Variants in ZC3H15 observed in about 807,000 individuals in gnomAD.
ZC3H15 encodes the protein zinc finger CCCH-type containing 15.
ZC3H15 carries 15 observed loss-of-function variants against 51.2 expected under a neutral mutation model. The ratio of observed to expected loss-of-function variants is 0.29; its 90% CI spans 0.20 to 0.45. The LOEUF is 0.45. Ranked by LOEUF, ZC3H15 falls within the 20% of genes least tolerant of loss-of-function variation. The pLI is 1.00. For synonymous variants in ZC3H15, 144 were observed against 162.8 expected, an observed-to-expected ratio of 0.88 and a Z score of 0.88; for missense variants, 381 against 494.7, an observed-to-expected ratio of 0.77 and a Z score of 2.18.
intron 1 of ZC3H15, among the ~76,000 whole-genome samples, chr2:186,491,188 G>T (rs191591648): frequency 2.0e-5 from 3 of 152,246 alleles, no homozygotes; most frequent in Admixed American, 2.0e-4. Flanking sequence ...AGGTTTCTCT[G>T]GGAAGTAGTT....
At chr2:186,495,046 T>A (rs1052110624) in intron 1 of ZC3H15, among the ~76,000 whole-genome samples, 187 bp from the exon 2 acceptor site, 2 of 152,090 alleles carry the variant, frequency 1.3e-5, no homozygotes, top group African/African-American at 2.4e-5. Flanking sequence ...TGAGTACATA[T>A]TGAATTGTAA....
intron 9 of ZC3H15, among the ~76,000 whole-genome samples, chr2:186,508,269 C>T (rs1036094878): frequency 6.6e-6 from 1 of 152,084 alleles, no homozygotes; most frequent in Non-Finnish European, 1.5e-5. Flanking sequence ...GTAGGGAACA[C>T]AGAGGTGTAG....
chr2:186,487,010 C>A (rs1458898480), intron 1 of ZC3H15: 1 of 152,490 alleles, frequency 6.6e-6, no homozygotes, highest in Non-Finnish European at 1.5e-5. Flanking sequence ...AACCCAGGGT[C>A]TTGAACGCAG....
At chr2:186,493,465 ACCAGAAAAGAC>A (rs1458562586) in intron 1 of ZC3H15, among the ~76,000 whole-genome samples, 10 of 152,246 alleles carry the variant, frequency 6.6e-5, no homozygotes, top group Middle Eastern at 3.4e-3. Flanking sequence ...TCTCCAGAGA[ACCAGAAAAGAC>A]CCAGAAAAAA....
chr2:186,508,947 A>G lies in ZC3H15; in HGVS notation c.*214A>G, dbSNP rs1475546309. 1.6e-6 allele frequency: 1 copy of G among 643,804 alleles called. No individual in the cohort carries two copies. Among genetic ancestry groups the G allele is most frequent in the East Asian group, 3.0e-5 (1 of 33,422 alleles). The allele number at this position is 643,804 out of a possible 1,614,324, so 39.9% of individuals were successfully genotyped here. On this transcript the variant is annotated 3_prime_UTR_variant, in exon 10 of 10. Transcript: ENST00000337859. ...GTTCAGAGTAGTTCATGATAAATTG[A>G]AAATATAATGGTCATTGCAGAAAAT... is the stretch of plus-strand genomic sequence containing the variant.
intron 9 of ZC3H15, among the ~76,000 whole-genome samples, chr2:186,507,159 C>G (rs1456059548): frequency 6.6e-6 from 1 of 151,992 alleles, no homozygotes; most frequent in African/African-American, 2.4e-5. Context: ...GACATGAACA[C>G]CCTACAGAAC....
At chr2:186,495,102 G>A in intron 1 of ZC3H15, 131 bp from the exon 2 acceptor site, 1 of 530,844 alleles carries the variant, frequency 1.9e-6, no homozygotes, top group Non-Finnish European at 3.2e-6. Context: ...TTGACTTGAT[G>A]TTTAGTGTTT....
chr2:186,502,482 ATTTC>A lies in ZC3H15; in HGVS notation c.443-10_443-7del, dbSNP rs1275642231. ...GATAAGATTACAGTATTTAATCTTC[ATTTC>A]TTTATTTAGATACTATGGATAATTG... On this transcript the variant is annotated splice_polypyrimidine_tract_variant and intron_variant, in intron 4 of 9. Transcript: ENST00000337859. The A allele has an allele frequency of 6.3e-7, 1 of 1,596,084 alleles. No individual in the cohort carries two copies. Among genetic ancestry groups the A allele is most frequent in the Non-Finnish European group, 8.6e-7 (1 of 1,167,884 alleles).
chr2:186,486,552 G>GC, intron 1 of ZC3H15, 95 bp downstream of exon 1: 1 of 1,373,606 alleles, frequency 7.3e-7, no homozygotes, highest in Non-Finnish European at 9.8e-7. Context: ...GCTTCCTCGG[G>GC]CCACGTGTTC....
chr2:186,490,780 A>G (rs1685184641), intron 1 of ZC3H15, among the ~76,000 whole-genome samples: 1 of 152,172 alleles, frequency 6.6e-6, no homozygotes, highest in African/African-American at 2.4e-5. Flanking sequence ...GAAGCCTGGA[A>G]TTTACTGAGT....
intron 2 of ZC3H15, among the ~76,000 whole-genome samples, chr2:186,499,901 A>G (rs1327936185): frequency 6.6e-6 from 1 of 152,196 alleles, no homozygotes; most frequent in Non-Finnish European, 1.5e-5. Flanking sequence ...AGAATATTGC[A>G]GGTGAAAACT....
rs1395138596 is a variant in ZC3H15, at chr2:186,509,022, A to G, written c.*289A>G. 2 of 521,736 alleles carry G rather than the reference A, an allele frequency of 3.8e-6. No homozygotes were observed. Among genetic ancestry groups the G allele is most frequent in the South Asian group, 1.5e-5 (1 of 65,048 alleles). 32.3% of individuals were successfully genotyped at this position (521,736 alleles called of 1,614,324 possible). On this transcript the variant is annotated 3_prime_UTR_variant, in exon 10 of 10. Transcript: ENST00000337859. ...AAGTAAGAAGTGTATCTGCCTTTCCATCTTTTGGTTTTCATTTGGGCATGT... is the reference window on the plus strand; with the variant it reads ...AAGTAAGAAGTGTATCTGCCTTTCCGTCTTTTGGTTTTCATTTGGGCATGT...
chr2:186,486,273 T>C lies in ZC3H15; in HGVS notation c.-110T>C, dbSNP rs1685089397. On this transcript the variant is annotated 5_prime_UTR_variant, in exon 1 of 10. Transcript: ENST00000337859. ...GGGCCAATGAGCGACTCGCTTTCCG[T>C]GCGGTGCGGCGAGTGAGGCCCCGGT... 1 of 1,229,118 alleles carries C rather than the reference T, an allele frequency of 8.1e-7. No individual in the cohort carries two copies. 76.1% of individuals were successfully genotyped at this position (1,229,118 alleles called of 1,614,324 possible). A position where few individuals can be genotyped will look rare whatever the true frequency, so the allele number is the denominator to read the frequency against.
chr2:186,495,589 CT>C (rs1685268834), intron 2 of ZC3H15, among the ~76,000 whole-genome samples: 1 of 152,168 alleles, frequency 6.6e-6, no homozygotes, highest in Admixed American at 6.5e-5. Flanking sequence ...ATCTATTTCA[CT>C]GTTCATAAGT....
chr2:186,495,443 C>A, intron 2 of ZC3H15, 109 bp downstream of exon 2: 1 of 791,178 alleles, frequency 1.3e-6, no homozygotes, highest in Non-Finnish European at 1.8e-6. Flanking sequence ...AAACAGAATC[C>A]TACTTGAAAT....
intron 2 of ZC3H15, 85 bp downstream of exon 2, chr2:186,495,419 A>G (rs1685266677): frequency 5.6e-6 from 5 of 896,932 alleles, no homozygotes; most frequent in African/African-American, 3.5e-5. Context: ...GTATTATTAT[A>G]TAATTGTATT....
Position 186,508,758 on chromosome 2 carries a change from T to C in ZC3H15, c.*25T>C, listed in dbSNP as rs754660569. On this transcript the variant is annotated 3_prime_UTR_variant, in exon 10 of 10. Transcript: ENST00000337859. Reference sequence around the variant, plus strand: ...ACACCAAACACATCGCTGAAAAAATTAAGTCAGCTCAGCACGAGTTGAAAT... The same window carrying C: ...ACACCAAACACATCGCTGAAAAAATCAAGTCAGCTCAGCACGAGTTGAAAT... The C allele has an allele frequency of 6.2e-7, 1 of 1,609,046 alleles. No homozygotes were observed. Among genetic ancestry groups the C allele is most frequent in the Non-Finnish European group, 8.5e-7 (1 of 1,176,162 alleles).
intron 2 of ZC3H15, chr2:186,497,196 G>A (rs1422288586): frequency 7.4e-6 from 3 of 407,868 alleles, no homozygotes; most frequent in South Asian, 1.8e-5. Flanking sequence ...TGTAATGTAG[G>A]AGAGAAGAAA....
intron 9 of ZC3H15, among the ~76,000 whole-genome samples, chr2:186,507,968 G>C (rs572811763): frequency 1.3e-5 from 2 of 152,292 alleles, no homozygotes; most frequent in Non-Finnish European, 2.9e-5. Context: ...CTGTGTAATT[G>C]TCAATGGCAT....
Sources: gnomAD v4.1 joint callset for allele counts (sites outside exome capture counted in the v4.1 genomes callset) on GRCh38, gnomAD v4.1.1 for gene constraint, MANE v1.5 for transcripts, NCBI Gene and HGNC (gene_info 2026-07-23, HGNC 2026-07-21) for gene names.